Variants in DDX49 observed in about 807,000 individuals in gnomAD.
DDX49 encodes DEAD-box helicase 49, also known as probable ATP-dependent RNA helicase DDX49.
In DDX49, 50 loss-of-function variants were observed where a neutral mutation model predicts 56.3. The ratio of observed to expected loss-of-function variants is 0.89; its 90% CI spans 0.71 to 1.12. The LOEUF is 1.12. Among genes scored for constraint, DDX49 ranks in the 50% most tolerant of loss-of-function variants. The probability of loss-of-function intolerance (pLI) is 0.00; values close to 1 mark genes in which losing one functional copy is unlikely to be tolerated. For synonymous variants in DDX49, 269 were observed against 270.6 expected (o/e 0.99, Z 0.06); for missense variants, 614 against 650.5 (o/e 0.94, Z 0.61).
rs1414543268 is a variant in DDX49, at chr19:18,928,353, C to T, written c.*37C>T. 2.7e-6 allele frequency: 4 copies of T among 1,468,726 alleles called. No homozygotes were observed. In the African/African-American group the frequency reaches 5.7e-5, roughly 21 times the overall value. 91.0% of individuals were successfully genotyped at this position (1,468,726 alleles called of 1,614,324 possible). The stretch of plus-strand genomic sequence containing the variant: ...CCATCTGCCCAGTCCTTGACTCGTC[C>T]ATGGAGCTGAGGGTCGGAGGAACCT... On this transcript the variant is annotated 3_prime_UTR_variant, in exon 13 of 13. Coordinates refer to ENST00000247003, the MANE Select transcript of DDX49 (RefSeq NM_019070.5).
intron 4 of DDX49, 123 bp from the exon 5 acceptor site, chr19:18,922,203 G>A (rs1338273348): frequency 3.8e-6 from 5 of 1,304,672 alleles, no homozygotes; most frequent in Non-Finnish European, 5.3e-6. Context: ...GGCCTCCCTT[G>A]GAAGGAGGGT....
chr19:18,928,461 G>A lies in DDX49; in HGVS notation c.*145G>A. On this transcript the variant is annotated 3_prime_UTR_variant, in exon 13 of 13. Coordinates refer to ENST00000247003, the MANE Select transcript of DDX49 (RefSeq NM_019070.5). Reference sequence around the variant, plus strand: ...TGGGCGCTCGTGTTGTGCGGGCCCTGCTCCTCTGCCCCGAAACCACTGGCT... The same window carrying A: ...TGGGCGCTCGTGTTGTGCGGGCCCTACTCCTCTGCCCCGAAACCACTGGCT... The A allele has an allele frequency of 1.3e-6, 1 of 782,822 alleles. No homozygotes were observed. The highest frequency in any genetic ancestry group is 2.0e-6 in the Non-Finnish European group (1 of 509,118). 48.5% of individuals were successfully genotyped at this position (782,822 alleles called of 1,614,324 possible).
Position 18,920,716 on chromosome 19 carries a change from C to T in DDX49, c.239+13C>T. 6.3e-7 allele frequency: 1 copy of T among 1,589,854 alleles called. No homozygotes were observed. The highest frequency in any genetic ancestry group is 8.6e-7 in the Non-Finnish European group (1 of 1,160,310). The stretch of plus-strand genomic sequence containing the variant: ...TGACACCCACCAGGTAAGCCCCCAG[C>T]AGGCCTCCTGGGTATGGGTTAACCA... On this transcript the variant is annotated intron_variant, in intron 2 of 12. Transcript: ENST00000247003.
intron 2 of DDX49, among the ~76,000 whole-genome samples, 191 bp from the exon 3 acceptor site, chr19:18,921,472 G>A (rs962970591): frequency 6.6e-6 from 1 of 152,178 alleles, no homozygotes; most frequent in African/African-American, 2.4e-5. Context: ...AAGGAGGGAT[G>A]TTCCAGGCTG....
At chr19:18,920,042 G>A (rs1339751803) in intron 1 of DDX49, among the ~76,000 whole-genome samples, 186 bp downstream of exon 1, 1 of 152,238 alleles carries the variant, frequency 6.6e-6, no homozygotes, top group African/African-American at 2.4e-5. Context: ...GACTCGCTTT[G>A]TGTTCGTACG....
At chr19:18,926,167 G>A in intron 9 of DDX49, 136 bp from the exon 10 acceptor site, 1 of 897,456 alleles carries the variant, frequency 1.1e-6, no homozygotes, top group Middle Eastern at 2.2e-4. Context: ...CAGACACTCT[G>A]GGCTGATCCC....
At chr19:18,924,726 G>A (rs1404142050) in intron 8 of DDX49, 27 bp downstream of exon 8, 5 of 1,613,970 alleles carry the variant, frequency 3.1e-6, no homozygotes, top group South Asian at 2.2e-5. Context: ...CTCCTGCCAA[G>A]GGCACTCCCT....
Position 18,921,608 on chromosome 19 carries a change from G to C in DDX49, c.240-55G>C, listed in dbSNP as rs752805739. On this transcript the variant is annotated intron_variant, in intron 2 of 12. Transcript: ENST00000247003. ...GAACCCTGGGGATGGAGAGGGGAAT[G>C]GGGGGCAGGTCCAGAACCACTACCT... 14 of 1,525,574 alleles carry C rather than the reference G, an allele frequency of 9.2e-6. No homozygotes were observed. The East Asian group carries it at 2.7e-4, about 29-fold the overall frequency. 94.5% of individuals were successfully genotyped at this position (1,525,574 alleles called of 1,614,324 possible).
chr19:18,927,586 ACAGCGGT>A (rs1379859767), intron 10 of DDX49, among the ~76,000 whole-genome samples, 173 bp from the exon 11 acceptor site: 1 of 152,068 alleles, frequency 6.6e-6, no homozygotes, highest in Non-Finnish European at 1.5e-5. Flanking sequence ...ACTCTGAAAG[ACAGCGGT>A]CCATACCTTC....
intron 2 of DDX49, 118 bp from the exon 3 acceptor site, chr19:18,921,545 C>T (rs1285258873): frequency 2.1e-6 from 2 of 946,080 alleles, no homozygotes; most frequent in Admixed American, 2.0e-5. Context: ...CCTTTGTGAA[C>T]AGGACTGGGC....
In DDX49 at chr19:18,926,196, G is replaced by A. The variant is rs2056959190; in HGVS notation, c.1028-107G>A. The A allele has an allele frequency of 3.3e-6, 4 of 1,202,368 alleles. No individual in the cohort carries two copies. In the Admixed American group the frequency reaches 6.3e-5, roughly 19 times the overall value. 74.5% of individuals were successfully genotyped at this position (1,202,368 alleles called of 1,614,324 possible). A position where few individuals can be genotyped will look rare whatever the true frequency, so the allele number is the denominator to read the frequency against. On this transcript the variant is annotated intron_variant, in intron 9 of 12. Transcript: ENST00000247003. The stretch of plus-strand genomic sequence containing the variant: ...TGATCCCTCCCAAGCCCAAGCCCTT[G>A]TTCAGCATCTCCAGGACCCCTGAGC...
intron 10 of DDX49, 138 bp downstream of exon 10, chr19:18,926,515 C>A: frequency 1.2e-6 from 1 of 857,810 alleles, no homozygotes; most frequent in South Asian, 1.7e-5. Context: ...GCTTCCTTCC[C>A]TAGGCACCCC....
intron 10 of DDX49, among the ~76,000 whole-genome samples, chr19:18,926,679 G>A (rs1255413558): frequency 1.3e-5 from 2 of 152,152 alleles, no homozygotes; most frequent in African/African-American, 2.4e-5. Flanking sequence ...ACAGGGCCTG[G>A]CCTGCTAAAA....
chr19:18,925,636 C>T (rs573347169), intron 9 of DDX49, among the ~76,000 whole-genome samples: 21 of 152,298 alleles, frequency 1.4e-4, no homozygotes, highest in African/African-American at 5.1e-4. Context: ...TGCCTTCACC[C>T]AAGCCAGGTG....
chr19:18,922,858 G>A (rs961970438), intron 6 of DDX49, 114 bp downstream of exon 6: 1 of 1,352,668 alleles, frequency 7.4e-7, no homozygotes. Context: ...TGCTCAGCCT[G>A]GAGGTCATGG....
chr19:18,925,134 G>GTAGCT, intron 9 of DDX49, 155 bp downstream of exon 9: 2 of 679,112 alleles, frequency 2.9e-6, no homozygotes, highest in Non-Finnish European at 4.3e-6. Flanking sequence ...CTAAAGCAAA[G>GTAGCT]GTGAATCCCA....
Position 18,925,286 on chromosome 19 carries a change from T to A in DDX49, c.1027+307T>A, listed in dbSNP as rs111586599. 1.6e-3 allele frequency: 465 copies of A among 287,122 alleles called. 1 individual carries two copies. Among genetic ancestry groups the A allele is most frequent in the African/African-American group, 0.01 (443 of 42,604 alleles). 17.8% of individuals were successfully genotyped at this position (287,122 alleles called of 1,614,324 possible). On this transcript the variant is annotated intron_variant, in intron 9 of 12. Transcript: ENST00000247003. ...ATAAAATAAAATAGGCCAGGTGCGG[T>A]GGCTCACGCCTGTAATCTTAGCACT...
chr19:18,924,833 C>T (rs766997683), intron 8 of DDX49, 49 bp from the exon 9 acceptor site: 8 of 1,611,946 alleles, frequency 5.0e-6, no homozygotes, highest in South Asian at 1.1e-5. Context: ...GTCCTTGCCT[C>T]GGTTTCCCCA....
rs1198811704 is a variant in DDX49, at chr19:18,922,598, C to T, written c.636-6C>T. The T allele has an allele frequency of 6.2e-7, 1 of 1,610,234 alleles. No individual in the cohort carries two copies. Among genetic ancestry groups the T allele is most frequent in the African/African-American group, 1.3e-5 (1 of 74,872 alleles). ...GAGGCGTGGCGGTCTATCTGTCCAT[C>T]CCCAGGGTGAGCACCGTGGAGCAGC... On this transcript the variant is annotated splice_polypyrimidine_tract_variant and splice_region_variant and intron_variant, in intron 5 of 12. Coordinates refer to ENST00000247003, the MANE Select transcript of DDX49 (RefSeq NM_019070.5).
Sources: allele counts gnomAD v4.1 joint callset (sites outside exome capture counted in the v4.1 genomes callset), GRCh38; gene constraint gnomAD v4.1.1; transcripts MANE v1.5; gene names NCBI Gene and HGNC (gene_info 2026-07-23, HGNC 2026-07-21).